Variants in CLSTN1 observed in about 807,000 individuals in gnomAD.
The protein encoded by CLSTN1 is calsyntenin-1.
Under a neutral mutation model 108.3 loss-of-function variants are expected in CLSTN1, and 28 were observed. The ratio of observed to expected loss-of-function variants is 0.26; its 90% CI spans 0.19 to 0.35. The LOEUF is 0.35. CLSTN1 is among the 10% of genes least tolerant of loss of function. The pLI is 1.00. For missense variants in CLSTN1, 1,157 were observed against 1,302.6 expected (o/e 0.89, Z 1.72); for synonymous variants, 524 against 534.9 (o/e 0.98, Z 0.28).
At chr1:9,809,534 G>C (rs1654641538) in intron 1 of CLSTN1, among the ~76,000 whole-genome samples, 1 of 152,042 alleles carries the variant, frequency 6.6e-6, no homozygotes, top group African/African-American at 2.4e-5. Context: ...TAATCCCAGT[G>C]CTTTGGGAGG....
chr1:9,766,256 A>G (rs1206765878), intron 2 of CLSTN1, among the ~76,000 whole-genome samples: 2 of 152,226 alleles, frequency 1.3e-5, no homozygotes, highest in African/African-American at 2.4e-5. Context: ...GGAAACAAGA[A>G]GAGGAGGCAC....
intron 1 of CLSTN1, among the ~76,000 whole-genome samples, chr1:9,818,829 C>CAGGCTGG (rs1209079147): frequency 4.9e-5 from 7 of 142,902 alleles, no homozygotes; most frequent in African/African-American, 1.9e-4. Flanking sequence ...CTCTGTCGCC[C>CAGGCTGG]AGGCTGGAGT....
chr1:9,730,461 G>T lies in CLSTN1; in HGVS notation c.*47C>A. On this transcript the variant is annotated 3_prime_UTR_variant, in exon 19 of 19. Transcript: ENST00000377298. This position sits in a 1 kb window ranked among gnomAD's most constrained non-coding sequence, Gnocchi z 5.6. ...ACCCTTGGGACTGGGAGAACGGATG[G>T]CAGCAGAGTCTTCGAAAGCAGAAAC... 1 of 1,545,958 alleles carries T rather than the reference G, an allele frequency of 6.5e-7. No homozygotes were observed. Among genetic ancestry groups the T allele is most frequent in the Non-Finnish European group, 8.8e-7 (1 of 1,132,472 alleles).
chr1:9,768,557 G>C (rs1464161422), intron 2 of CLSTN1, among the ~76,000 whole-genome samples: 1 of 130,386 alleles, frequency 7.7e-6, no homozygotes, highest in South Asian at 2.6e-4. Context: ...GTTCTGTGCT[G>C]GGTGGCACCA....
At chr1:9,810,710 G>A (rs889102232) in intron 1 of CLSTN1, among the ~76,000 whole-genome samples, 1 of 152,112 alleles carries the variant, frequency 6.6e-6, no homozygotes, top group Non-Finnish European at 1.5e-5. Context: ...GGGAGGCGGA[G>A]GTTGCAGTGA....
At chr1:9,772,869 T>C (rs1189756228) in intron 2 of CLSTN1, among the ~76,000 whole-genome samples, 1 of 152,122 alleles carries the variant, frequency 6.6e-6, no homozygotes, top group African/African-American at 2.4e-5. Flanking sequence ...ATTCTCCGGC[T>C]CCATGCCACT....
intron 9 of CLSTN1, 108 bp from the exon 10 acceptor site, chr1:9,741,364 G>A: frequency 1.8e-6 from 2 of 1,126,496 alleles, no homozygotes; most frequent in Admixed American, 2.5e-5. Context: ...GGAGGAAAAG[G>A]ATGAAAAAAA....
chr1:9,757,663 T>C (rs923875950), intron 2 of CLSTN1, among the ~76,000 whole-genome samples: 1 of 152,178 alleles, frequency 6.6e-6, no homozygotes, highest in African/African-American at 2.4e-5. Flanking sequence ...TGCTTAAATG[T>C]GAATAGAAAC....
Position 9,734,787 on chromosome 1 carries a change from T to G in CLSTN1, c.2110+161A>C, listed in dbSNP as rs964298839. On this transcript the variant is annotated intron_variant, in intron 14 of 18. Coordinates refer to ENST00000377298, the MANE Select transcript of CLSTN1 (RefSeq NM_001009566.3). This position sits in a 1 kb window ranked among gnomAD's most constrained non-coding sequence, Gnocchi z 4.8. ...TGGGATTCCAGAGATCACCATGAGC[T>G]CCAGCTCACGGGTCAGATTCCAGAA... is the stretch of plus-strand genomic sequence containing the variant. Among the ~76,000 whole-genome samples the G allele has an allele frequency of 6.6e-6, 1 of 151,838 alleles. No individual in the cohort carries two copies. The highest frequency in any genetic ancestry group is 2.4e-5 in the African/African-American group (1 of 41,320).
rs116466983 is a variant in CLSTN1, at chr1:9,761,697, G to A, written c.215-5187C>T. Among the ~76,000 whole-genome samples the A allele has an allele frequency of 4.8e-3, 730 of 152,236 alleles. 3 individuals carry two copies. The highest frequency in any genetic ancestry group is 0.016 in the African/African-American group (656 of 41,548). On this transcript the variant is annotated intron_variant, in intron 2 of 18. Transcript: ENST00000377298. ...ACCCCAGCTTTAGGCTGGCCCTGCT[G>A]TTCTTTCGAAGTCTTCTTCCTAATC...
At chr1:9,733,915 T>C (rs776442566) in intron 15 of CLSTN1, 57 bp downstream of exon 15, 100 of 1,528,116 alleles carry the variant, frequency 6.5e-5, no homozygotes, top group Non-Finnish European at 8.6e-5. Flanking sequence ...AGCCAAGAGC[T>C]CTCAAAGTCC....
At position 9,730,408 on chromosome 1, in the gene CLSTN1, C is replaced by T. The variant is rs1050789515; in HGVS notation, c.*100G>A. 10 of 1,155,604 alleles carry T rather than the reference C, an allele frequency of 8.7e-6. No homozygotes were observed. In the African/African-American group the frequency reaches 1.5e-4, roughly 17 times the overall value. 71.6% of individuals were successfully genotyped at this position (1,155,604 alleles called of 1,614,324 possible). A position where few individuals can be genotyped will look rare whatever the true frequency, so the allele number is the denominator to read the frequency against. ...TGGCGGGGAGGGGTCTGCACACCTA[C>T]TGGCCGAAATGACTTTGTACATCGT... On this transcript the variant is annotated 3_prime_UTR_variant, in exon 19 of 19. Coordinates refer to ENST00000377298, the MANE Select transcript of CLSTN1 (RefSeq NM_001009566.3). This position sits in a 1 kb window ranked among gnomAD's most constrained non-coding sequence, Gnocchi z 5.6.
chr1:9,809,512 G>C (rs1398293466), intron 1 of CLSTN1, among the ~76,000 whole-genome samples: 1 of 152,116 alleles, frequency 6.6e-6, no homozygotes, highest in African/African-American at 2.4e-5. Context: ...CAGGCAGGGT[G>C]GCTCATGCCT....
rs879705237 is a variant in CLSTN1, at chr1:9,820,030, C to CT, written c.91+3612dup. Among the ~76,000 whole-genome samples the CT allele has an allele frequency of 6.0e-3, 851 of 142,110 alleles. 2 individuals are homozygous for CT. Among genetic ancestry groups the CT allele is most frequent in the Non-Finnish European group, 7.4e-3 (476 of 64,670 alleles). The allele number at this position is 142,110 out of a possible 152,430, so 93.2% of individuals were successfully genotyped here. A position where few individuals can be genotyped will look rare whatever the true frequency, so the allele number is the denominator to read the frequency against. ...GCAACCAACAGAATTGATCCTTGAACTTTTTTTTTTTTTTTGGTATTTTTG... is the reference window on the plus strand; with the variant it reads ...GCAACCAACAGAATTGATCCTTGAACTTTTTTTTTTTTTTTTGGTATTTTTG... On this transcript the variant is annotated intron_variant, in intron 1 of 18. Transcript: ENST00000377298.
rs753761417 is a variant in CLSTN1, at chr1:9,751,686, A to T, written c.441-5T>A. ...ACCTGAATATGAACAGTTGCTCTGGACAAAGGGAGGGAGAAAAATATTTTT... is the reference window on the plus strand; with the variant it reads ...ACCTGAATATGAACAGTTGCTCTGGTCAAAGGGAGGGAGAAAAATATTTTT... On this transcript the variant is annotated splice_polypyrimidine_tract_variant and splice_region_variant and intron_variant, in intron 4 of 18. Coordinates refer to ENST00000377298, the MANE Select transcript of CLSTN1 (RefSeq NM_001009566.3). 6.2e-7 allele frequency: 1 copy of T among 1,612,856 alleles called. No homozygotes were observed. The highest frequency in any genetic ancestry group is 1.7e-5 in the Admixed American group (1 of 59,978).
At chr1:9,789,848 G>A (rs1438724841) in intron 1 of CLSTN1, among the ~76,000 whole-genome samples, 1 of 151,274 alleles carries the variant, frequency 6.6e-6, no homozygotes, top group African/African-American at 2.4e-5. Flanking sequence ...GCGTGGTGAT[G>A]CACACCTGTA....
At chr1:9,796,132 G>C (rs1342902297) in intron 1 of CLSTN1, among the ~76,000 whole-genome samples, 2 of 150,368 alleles carry the variant, frequency 1.3e-5, no homozygotes, top group Non-Finnish European at 2.9e-5. Context: ...CGTGGTGGTG[G>C]GCGCCTGTAA....
intron 1 of CLSTN1, among the ~76,000 whole-genome samples, chr1:9,794,132 G>A (rs1653886397): frequency 1.3e-5 from 2 of 151,444 alleles, no homozygotes; most frequent in South Asian, 2.2e-4. Flanking sequence ...TATAAAAACA[G>A]GGTAAGTAAC....
chr1:9,817,943 T>G (rs896558726), intron 1 of CLSTN1, among the ~76,000 whole-genome samples: 3 of 150,758 alleles, frequency 2.0e-5, no homozygotes, highest in Admixed American at 1.3e-4. Context: ...CATTTAAGGG[T>G]TCCTATATAT....
Sources: gnomAD v4.1 joint callset for allele counts (sites outside exome capture counted in the v4.1 genomes callset) on GRCh38, gnomAD v4.1.1 for gene constraint, Gnocchi (gnomAD v3.1) non-coding constraint, MANE v1.5 for transcripts, NCBI Gene and HGNC (gene_info 2026-07-23, HGNC 2026-07-21) for gene names.